Variants in EMC8 observed in about 807,000 individuals in gnomAD.
EMC8 encodes the protein ER membrane protein complex subunit 8.
Under a neutral mutation model 24.3 loss-of-function variants are expected in EMC8, and 11 were observed. The observed-to-expected ratio is 0.45, with a 90% CI of 0.28 to 0.75. EMC8 has a LOEUF of 0.75. EMC8 is among the 30% of genes least tolerant of loss of function. The pLI, the probability that EMC8 is intolerant of heterozygous loss-of-function variation, is 0.12. For missense variants in EMC8, 277 were observed against 282.7 expected, an observed-to-expected ratio of 0.98 and a Z score of 0.14; for synonymous variants, 145 against 117.7, an observed-to-expected ratio of 1.23 and a Z score of -1.50.
At chr16:85,795,977 G>C (rs182252112) in intron 1 of EMC8, among the ~76,000 whole-genome samples, 2 of 152,162 alleles carry the variant, frequency 1.3e-5, no homozygotes, top group Non-Finnish European at 2.9e-5. Context: ...CTTCTTCTGT[G>C]TTGACTGTTG....
chr16:85,790,651 G>C (rs1417396607), intron 1 of EMC8, among the ~76,000 whole-genome samples: 1 of 152,154 alleles, frequency 6.6e-6, no homozygotes, highest in Non-Finnish European at 1.5e-5. Context: ...CAGCCTTCAT[G>C]TGCCATCATG....
chr16:85,791,764 G>A (rs1240699978), intron 1 of EMC8, among the ~76,000 whole-genome samples: 1 of 152,090 alleles, frequency 6.6e-6, no homozygotes, highest in Non-Finnish European at 1.5e-5. Flanking sequence ...TCTGACCTCT[G>A]CTTCCATCAT....
chr16:85,799,048 GC>G lies in EMC8; in HGVS notation c.231+16del. 6.7e-7 allele frequency: 1 copy of G among 1,499,842 alleles called. No individual in the cohort carries two copies. 92.9% of individuals were successfully genotyped at this position (1,499,842 alleles called of 1,614,324 possible). On this transcript the variant is annotated intron_variant, in intron 1 of 4. Transcript: ENST00000253457. This position sits in a 1 kb window ranked among gnomAD's most constrained non-coding sequence, Gnocchi z 4.2. ...GCCAGGCTGCCTGCAAGGGGAAGGG[GC>G]CCTTTCCGCGCTTACCAGGGTGAGA...
At chr16:85,787,338 C>G (rs139221092) in intron 2 of EMC8, among the ~76,000 whole-genome samples, 3 of 152,032 alleles carry the variant, frequency 2.0e-5, no homozygotes, top group African/African-American at 7.2e-5. Context: ...TGGGATCATC[C>G]TACCAGGTCT....
intron 2 of EMC8, among the ~76,000 whole-genome samples, chr16:85,785,363 A>G (rs1904704683): frequency 6.6e-6 from 1 of 152,184 alleles, no homozygotes; most frequent in Non-Finnish European, 1.5e-5. Context: ...TGAGGTCAGC[A>G]GTTCGAGACC....
chr16:85,782,621 T>G (rs1904561160), intron 2 of EMC8, among the ~76,000 whole-genome samples: 2 of 152,158 alleles, frequency 1.3e-5, no homozygotes, highest in African/African-American at 4.8e-5. Flanking sequence ...TTCTTCAACT[T>G]CTTTAACAAG....
chr16:85,793,457 G>A (rs780455930), intron 1 of EMC8, among the ~76,000 whole-genome samples: 24 of 152,196 alleles, frequency 1.6e-4, no homozygotes, highest in Non-Finnish European at 2.8e-4. Flanking sequence ...GAGCTTGGGA[G>A]GTCAATGGGA....
chr16:85,783,677 T>C (rs555835566), intron 2 of EMC8, among the ~76,000 whole-genome samples: 3 of 152,188 alleles, frequency 2.0e-5, no homozygotes, highest in Non-Finnish European at 4.4e-5. Flanking sequence ...GTGTCTTCAA[T>C]GTCAGGAAAT....
chr16:85,787,054 T>C lies in EMC8; in HGVS notation c.308+1920A>G, dbSNP rs528818375. On this transcript the variant is annotated intron_variant, in intron 2 of 4. Transcript: ENST00000253457. ...AGACACTGCTTGGTCCAGGAACACC[T>C]TCCTGCCAAGGGTGCTCCCCACTGC... 2.6e-5 allele frequency among the ~76,000 whole-genome samples: 4 copies of C among 152,266 alleles called. No homozygotes were observed. The East Asian group carries it at 7.7e-4, about 29-fold the overall frequency.
At chr16:85,780,850 G>C in intron 3 of EMC8, 2 of 439,504 alleles carry the variant, frequency 4.6e-6, no homozygotes, top group Non-Finnish European at 8.4e-6. Flanking sequence ...TCTCACACTT[G>C]GCATGTTCAG....
chr16:85,795,047 G>A (rs1905193059), intron 1 of EMC8, among the ~76,000 whole-genome samples: 1 of 152,050 alleles, frequency 6.6e-6, no homozygotes, highest in Non-Finnish European at 1.5e-5. Flanking sequence ...ATAGTTCCTG[G>A]GTTTAACTCT....
chr16:85,780,867 A>G (rs957163127), intron 3 of EMC8: 3 of 443,180 alleles, frequency 6.8e-6, no homozygotes, highest in African/African-American at 3.9e-5. Flanking sequence ...TCAGACCAGA[A>G]TCATCTAGAA....
At chr16:85,790,146 CTTGA>C (rs900895835) in intron 1 of EMC8, among the ~76,000 whole-genome samples, 1 of 151,844 alleles carries the variant, frequency 6.6e-6, no homozygotes, top group African/African-American at 2.4e-5. Flanking sequence ...AAATTGGTAC[CTTGA>C]TTTTTTTTTT....
chr16:85,797,134 G>A (rs1040591200), intron 1 of EMC8, among the ~76,000 whole-genome samples: 6 of 152,206 alleles, frequency 3.9e-5, no homozygotes, highest in East Asian at 3.8e-4. Context: ...AAGGCTGAGC[G>A]CAGTGGCTCA....
In EMC8 at chr16:85,799,342, C is replaced by T. The variant is rs1218906505; in HGVS notation, c.-47G>A. 6 of 1,262,354 alleles carry T rather than the reference C, an allele frequency of 4.8e-6. No individual in the cohort carries two copies. The highest frequency in any genetic ancestry group is 3.2e-5 in the African/African-American group (2 of 63,364). The allele number at this position is 1,262,354 out of a possible 1,614,324, so 78.2% of individuals were successfully genotyped here. ...AGGCCCCTGGGCGCGCGGCTGAGGC[C>T]TGGACCCGCTGCCTGGCCGCGCGGC... On this transcript the variant is annotated 5_prime_UTR_variant, in exon 1 of 5. Transcript: ENST00000253457. The surrounding 1 kb of genome is among the most constrained non-coding windows in gnomAD (Gnocchi z 4.2).
chr16:85,795,243 G>C lies in EMC8; in HGVS notation c.231+3822C>G, dbSNP rs191742024. On this transcript the variant is annotated intron_variant, in intron 1 of 4. Transcript: ENST00000253457. ...GTTTGTCTTCAAGAAGCTCCTAGAA[G>C]TTTCTGACAGGATTTTACATGGCCA... 5.8e-4 allele frequency among the ~76,000 whole-genome samples: 89 copies of C among 152,320 alleles called. 2 individuals carry two copies. The East Asian group carries it at 0.012, about 21-fold the overall frequency.
intron 1 of EMC8, among the ~76,000 whole-genome samples, chr16:85,789,475 A>C (rs1904905365): frequency 6.6e-6 from 1 of 152,196 alleles, no homozygotes; most frequent in African/African-American, 2.4e-5. Flanking sequence ...CAGAGCCAGA[A>C]GGGAATCTCA....
intron 2 of EMC8, among the ~76,000 whole-genome samples, chr16:85,786,550 C>T (rs563618995): frequency 3.0e-4 from 45 of 152,178 alleles, no homozygotes; most frequent in East Asian, 5.8e-4. Context: ...CCTCAAACAA[C>T]TGGGCACAGC....
rs149826573 is a variant in EMC8, at chr16:85,780,438, C to T, written c.414G>A (p.Ala138=). ...GGTGCTCGTACACGTGGATCGTAGG[C>T]GCTACGCAGTCCATCGTAAACTTGG... The part of the protein sequence containing the change: ...DNTKFTMDCV[A]PTIHVYEHHE... The change falls in exon 4 of 5, where the codon GCG becomes GCA. Residue 138 remains alanine (A), a synonymous_variant. Transcript: ENST00000253457. 2.2e-5 allele frequency: 35 copies of T among 1,614,140 alleles called. No individual in the cohort carries two copies. The highest frequency in any genetic ancestry group is 1.6e-4 in the Middle Eastern group (1 of 6,062).
Sources: allele counts gnomAD v4.1 joint callset (sites outside exome capture counted in the v4.1 genomes callset), GRCh38; gene constraint gnomAD v4.1.1; non-coding constraint Gnocchi (gnomAD v3.1); transcripts MANE v1.5; gene names NCBI Gene and HGNC (gene_info 2026-07-23, HGNC 2026-07-21).